Variants in SPEF2 observed in about 807,000 individuals in gnomAD.
SPEF2 encodes sperm flagella and cilia-associated protein 2.
A neutral mutation model predicts 224.6 loss-of-function variants in SPEF2; 187 were observed. The observed-to-expected ratio is 0.83, with a 90% CI of 0.74 to 0.94. The LOEUF (loss-of-function observed/expected upper bound fraction) is 0.94, where lower values mean the gene tolerates loss of function less well. Among genes scored for constraint, SPEF2 ranks in the 40% least tolerant of loss-of-function variants. The pLI is 0.00. For synonymous variants in SPEF2, 715 were observed against 707.3 expected (o/e 1.01, Z -0.17); for missense variants, 2,170 against 2,135.6 (o/e 1.02, Z -0.32).
intron 26 of SPEF2, among the ~76,000 whole-genome samples, chr5:35,766,462 C>T (rs904549575): frequency 2.0e-5 from 3 of 151,996 alleles, no homozygotes; most frequent in Admixed American, 6.6e-5. Flanking sequence ...TTTAAAATGG[C>T]CTACATTTGT....
intron 21 of SPEF2, among the ~76,000 whole-genome samples, chr5:35,738,773 A>T (rs1245231203): frequency 1.3e-5 from 2 of 151,822 alleles, no homozygotes; most frequent in Admixed American, 6.6e-5. Flanking sequence ...GGGCACAAAA[A>T]GTTAATTTTT....
At chr5:35,800,620 C>G (rs1757289428) in intron 34 of SPEF2, among the ~76,000 whole-genome samples, 1 of 152,192 alleles carries the variant, frequency 6.6e-6, no homozygotes, top group South Asian at 2.1e-4. Flanking sequence ...GACAAAGAAG[C>G]TTAATATCTG....
At chr5:35,712,170 A>G (rs1469737051) in intron 19 of SPEF2, among the ~76,000 whole-genome samples, 2 of 152,212 alleles carry the variant, frequency 1.3e-5, no homozygotes, top group Non-Finnish European at 2.9e-5. Context: ...AGAGAAGTTC[A>G]AGGGTGCAAC....
intron 23 of SPEF2, among the ~76,000 whole-genome samples, chr5:35,744,788 C>T (rs547358393): frequency 4.6e-5 from 7 of 152,256 alleles, no homozygotes; most frequent in African/African-American, 1.7e-4. Context: ...ACTGGATCAT[C>T]ATGGCAGACA....
chr5:35,684,605 T>C (rs1035584012), intron 10 of SPEF2, among the ~76,000 whole-genome samples: 1 of 152,212 alleles, frequency 6.6e-6, no homozygotes, highest in Non-Finnish European at 1.5e-5. Context: ...CTAAACTGTT[T>C]ATAGTCAGAG....
chr5:35,680,274 TG>T (rs1752603343), intron 10 of SPEF2, among the ~76,000 whole-genome samples: 1 of 152,200 alleles, frequency 6.6e-6, no homozygotes, highest in Non-Finnish European at 1.5e-5. Context: ...TACGATAGGT[TG>T]TTACTTCGGG....
At chr5:35,744,708 C>T (rs933300803) in intron 23 of SPEF2, among the ~76,000 whole-genome samples, 8 of 152,044 alleles carry the variant, frequency 5.3e-5, no homozygotes, top group African/African-American at 1.4e-4. Context: ...GCCAAGATCA[C>T]GCCACAGCAC....
chr5:35,653,553 T>C (rs890042985), intron 6 of SPEF2, among the ~76,000 whole-genome samples: 5 of 152,148 alleles, frequency 3.3e-5, no homozygotes, highest in African/African-American at 4.8e-5. Context: ...GGGTTATCAA[T>C]AGTCTGCCTA....
At chr5:35,768,005 A>G (rs1752310364) in intron 26 of SPEF2, among the ~76,000 whole-genome samples, 2 of 136,032 alleles carry the variant, frequency 1.5e-5, no homozygotes, top group African/African-American at 5.4e-5. Flanking sequence ...TGTCTTTCCT[A>G]CTCATTTGGC....
intron 21 of SPEF2, among the ~76,000 whole-genome samples, chr5:35,736,255 GAAGA>G (rs1746570386): frequency 6.6e-6 from 1 of 152,112 alleles, no homozygotes; most frequent in Non-Finnish European, 1.5e-5. Flanking sequence ...TTAAGAAAAA[GAAGA>G]AAGATGGAGC....
At chr5:35,683,405 G>A (rs772666933) in intron 10 of SPEF2, among the ~76,000 whole-genome samples, 6 of 152,110 alleles carry the variant, frequency 3.9e-5, no homozygotes, top group South Asian at 2.1e-4. Context: ...TGGGTGGATC[G>A]TTTGAGTTCA....
intron 25 of SPEF2, among the ~76,000 whole-genome samples, chr5:35,760,485 G>A (rs778340817): frequency 1.3e-5 from 2 of 152,178 alleles, no homozygotes; most frequent in Middle Eastern, 3.4e-3. Context: ...GTCTTTTACT[G>A]ATAAAGACAT....
At chr5:35,739,679 C>T (rs1352641864) in intron 21 of SPEF2, among the ~76,000 whole-genome samples, 3 of 152,126 alleles carry the variant, frequency 2.0e-5, no homozygotes, top group African/African-American at 7.2e-5. Flanking sequence ...CCACCACGAC[C>T]GCCCGCCCCC....
At chr5:35,650,649 A>G (rs1279949564) in intron 6 of SPEF2, among the ~76,000 whole-genome samples, 1 of 152,212 alleles carries the variant, frequency 6.6e-6, no homozygotes, top group African/African-American at 2.4e-5. Context: ...ACCATAGTTA[A>G]GATGAAGCAC....
intron 10 of SPEF2, among the ~76,000 whole-genome samples, chr5:35,674,071 G>A (rs190189989): frequency 2.2e-4 from 33 of 152,296 alleles, no homozygotes; most frequent in African/African-American, 7.7e-4. Flanking sequence ...AATGTTAAGG[G>A]CATGTGAATC....
chr5:35,624,997 TTTTC>T (rs1303558173), intron 1 of SPEF2, among the ~76,000 whole-genome samples: 4 of 152,196 alleles, frequency 2.6e-5, no homozygotes, highest in Admixed American at 6.5e-5. Context: ...TTCTTCAGCT[TTTTC>T]TTTCTTTGTC....
At chr5:35,766,887 A>G (rs1752163158) in intron 26 of SPEF2, among the ~76,000 whole-genome samples, 1 of 151,870 alleles carries the variant, frequency 6.6e-6, no homozygotes, top group Non-Finnish European at 1.5e-5. Flanking sequence ...TCAAAATAAT[A>G]TGTTGTTTTC....
intron 23 of SPEF2, among the ~76,000 whole-genome samples, chr5:35,750,711 A>G (rs1359389849): frequency 6.6e-6 from 1 of 151,954 alleles, no homozygotes; most frequent in Non-Finnish European, 1.5e-5. Context: ...GTCGGTGAGG[A>G]TGCAGTGATC....
chr5:35,668,896 G>A (rs915423551), intron 9 of SPEF2, among the ~76,000 whole-genome samples: 11 of 151,938 alleles, frequency 7.2e-5, no homozygotes, highest in African/African-American at 2.7e-4. Context: ...AATATTAAAA[G>A]GTTATTAGGA....
Sources: allele counts gnomAD v4.1 joint callset (sites outside exome capture counted in the v4.1 genomes callset), GRCh38; gene constraint gnomAD v4.1.1; transcripts MANE v1.5; gene names NCBI Gene and HGNC (gene_info 2026-07-23, HGNC 2026-07-21).